Variants in CANX observed in about 807,000 individuals in gnomAD.
CANX encodes epididymis secretory sperm binding protein.
In CANX, 14 loss-of-function variants were observed where a neutral mutation model predicts 75.7. That is an observed-to-expected ratio of 0.19 (90% CI 0.12 to 0.29). The LOEUF (loss-of-function observed/expected upper bound fraction) is 0.29, where lower values mean the gene tolerates loss of function less well. CANX is among the 10% of genes least tolerant of loss of function. CANX has a pLI of 1.00. For missense variants in CANX, 567 were observed against 713.2 expected (o/e 0.79, Z 2.34); for synonymous variants, 227 against 236.9 (o/e 0.96, Z 0.38).
upstream of CANX, chr5:179,698,923 G>A: frequency 2.6e-6 from 3 of 1,147,520 alleles, no homozygotes; most frequent in Non-Finnish European, 3.3e-6. Flanking sequence ...GGCCAGGGGC[G>A]GGCACAGGGC....
intron 7 of CANX, among the ~76,000 whole-genome samples, chr5:179,714,379 G>A (rs377405679): frequency 2.6e-5 from 4 of 152,100 alleles, no homozygotes; most frequent in African/African-American, 7.2e-5. Flanking sequence ...GTACAAGTAC[G>A]ATATGTCAAT....
chr5:179,722,014 A>T (rs1266620462), intron 10 of CANX, among the ~76,000 whole-genome samples: 1 of 152,200 alleles, frequency 6.6e-6, no homozygotes, highest in Non-Finnish European at 1.5e-5. Flanking sequence ...TCAAACAATA[A>T]GATAAAAGTT....
At chr5:179,717,484 C>G (rs1478071805) in intron 8 of CANX, among the ~76,000 whole-genome samples, 1 of 152,150 alleles carries the variant, frequency 6.6e-6, no homozygotes, top group African/African-American at 2.4e-5. Context: ...CTTTCTCTGT[C>G]CAGTTTCTTT....
chr5:179,723,355 G>A (rs976901380), intron 11 of CANX: 3 of 413,554 alleles, frequency 7.3e-6, no homozygotes, highest in Non-Finnish European at 1.3e-5. Context: ...TCATGTGGCC[G>A]ATTTAAGAAT....
chr5:179,701,901 G>A (rs1009771612), intron 1 of CANX, among the ~76,000 whole-genome samples: 3 of 151,330 alleles, frequency 2.0e-5, no homozygotes, highest in African/African-American at 4.9e-5. Context: ...CACCACACCC[G>A]GCCCGGTTTT....
chr5:179,705,922 C>T lies in CANX; in HGVS notation c.171+70C>T, dbSNP rs554918747. ...ATAAAATTATGAAGATACCCGGGTG[C>T]AGGGAAATGTAGTCTCAACTACTCA... is the stretch of plus-strand genomic sequence containing the variant. On this transcript the variant is annotated intron_variant, in intron 2 of 14. Coordinates refer to ENST00000247461, the MANE Select transcript of CANX (RefSeq NM_001746.4). The T allele has an allele frequency of 1.1e-4, 150 of 1,328,780 alleles. 3 individuals are homozygous for T. In the Middle Eastern group the frequency reaches 7.4e-3, roughly 66 times the overall value. The allele number at this position is 1,328,780 out of a possible 1,614,324, so 82.3% of individuals were successfully genotyped here.
At position 179,731,586 on chromosome 5, in the gene CANX, TTTGA is replaced by T. The variant is rs775702526; in HGVS notation, c.*2946_*2949del. ...TCTGCTGCGTTTGTATGAAGACATA[TTTGA>T]TTGTTGTTTTCTCTTGATTTTAAAA... On this transcript the variant is annotated 3_prime_UTR_variant, in exon 15 of 15. Transcript: ENST00000247461. Among the ~76,000 whole-genome samples, 13 of 152,312 alleles carry T rather than the reference TTTGA, an allele frequency of 8.5e-5. No homozygotes were observed. The highest frequency in any genetic ancestry group is 4.1e-4 in the South Asian group (2 of 4,828).
chr5:179,712,455 G>A (rs1233291535), intron 7 of CANX, among the ~76,000 whole-genome samples: 1 of 150,096 alleles, frequency 6.7e-6, no homozygotes, highest in African/African-American at 2.5e-5. Context: ...TTTCACTCTT[G>A]TTCCCCAGGC....
intron 7 of CANX, among the ~76,000 whole-genome samples, chr5:179,710,479 G>A (rs1292783912): frequency 4.0e-5 from 6 of 150,380 alleles, no homozygotes; most frequent in Admixed American, 6.7e-5. Flanking sequence ...AGGCCGAGGC[G>A]GGTGGATCAC....
At chr5:179,680,028 G>A (rs1229804381) in intron 1 of CANX, among the ~76,000 whole-genome samples, 2 of 142,664 alleles carry the variant, frequency 1.4e-5, no homozygotes, top group Non-Finnish European at 3.0e-5. Context: ...GGCCAGGCTG[G>A]TCTCGAACTC....
intron 1 of CANX, chr5:179,680,954 A>C: frequency 1.3e-6 from 2 of 1,525,474 alleles, no homozygotes; most frequent in Non-Finnish European, 1.8e-6. Context: ...TTCTCGGAGG[A>C]TGTTTCCCCG....
At chr5:179,694,646 G>A (rs2113058867), upstream of CANX, 1 of 807,470 alleles carries the variant, frequency 1.2e-6, no homozygotes, top group East Asian at 2.4e-5. Flanking sequence ...AGTACGAGAA[G>A]GATGTTGCTG....
upstream of CANX, chr5:179,698,610 G>GC (rs1478091600): frequency 7.8e-7 from 1 of 1,286,536 alleles, no homozygotes; most frequent in East Asian, 5.6e-5. Context: ...ACGGGTGAGG[G>GC]CTACTGGGGG....
At chr5:179,718,246 G>A (rs946370488) in intron 8 of CANX, among the ~76,000 whole-genome samples, 1 of 152,000 alleles carries the variant, frequency 6.6e-6, no homozygotes, top group Non-Finnish European at 1.5e-5. Context: ...GCACGATCTC[G>A]TCTCATTGCA....
chr5:179,723,423 T>G (rs1052258912), intron 11 of CANX: 13 of 475,920 alleles, frequency 2.7e-5, no homozygotes, highest in African/African-American at 2.6e-4. Flanking sequence ...TAAGGGAGCC[T>G]TTTGCAGGTG....
At chr5:179,719,804 T>A in intron 9 of CANX, 23 bp downstream of exon 9, 1 of 1,282,710 alleles carries the variant, frequency 7.8e-7, no homozygotes, top group Non-Finnish European at 1.1e-6. Context: ...GTTAACTTTT[T>A]TTAATTACCT....
At chr5:179,698,643 C>A (rs529613018), upstream of CANX, 719 of 1,228,564 alleles carry the variant, frequency 5.9e-4, 3 homozygotes, top group African/African-American at 0.011. Context: ...GCCCCGAAGG[C>A]ACCACAGCAA....
chr5:179,702,506 T>C (rs986937353), intron 1 of CANX, among the ~76,000 whole-genome samples: 1 of 151,972 alleles, frequency 6.6e-6, no homozygotes, highest in African/African-American at 2.4e-5. Flanking sequence ...ATCCATGTTA[T>C]AGCCGGTGAT....
rs531080503 is a variant in CANX, at chr5:179,717,797, C to T, written c.911+1503C>T. Among the ~76,000 whole-genome samples, 11 of 151,894 alleles carry T rather than the reference C, an allele frequency of 7.2e-5. No homozygotes were observed. The East Asian group carries it at 1.4e-3, about 19-fold the overall frequency. ...GTGGCGCCATCACGGCTCACTGCAA[C>T]CTCTGTCTCCCGAGTTCAAGTGATT... is the stretch of plus-strand genomic sequence containing the variant. On this transcript the variant is annotated intron_variant, in intron 8 of 14. Transcript: ENST00000247461.
Sources: gnomAD v4.1 joint callset for allele counts (sites outside exome capture counted in the v4.1 genomes callset) on GRCh38, gnomAD v4.1.1 for gene constraint, MANE v1.5 for transcripts, NCBI Gene and HGNC (gene_info 2026-07-23, HGNC 2026-07-21) for gene names.